UPP1: variants seen among roughly 807,000 people sequenced by gnomAD.
UPP1 encodes uridine phosphorylase 1, also known as UPase 1.
UPP1 carries 25 observed loss-of-function variants against 29.6 expected under a neutral mutation model. The ratio of observed to expected loss-of-function variants is 0.85; its 90% CI spans 0.62 to 1.18. The LOEUF (loss-of-function observed/expected upper bound fraction) is 1.18, where lower values mean the gene tolerates loss of function less well. Among genes scored for constraint, UPP1 ranks in the 50% most tolerant of loss-of-function variants. UPP1 has a pLI of 0.00. For missense variants in UPP1, 368 were observed against 410.4 expected, an observed-to-expected ratio of 0.90 and a Z score of 0.89; for synonymous variants, 165 against 159.8, an observed-to-expected ratio of 1.03 and a Z score of -0.25.
chr7:48,097,340 C>T (rs894174918), intron 3 of UPP1, among the ~76,000 whole-genome samples: 1 of 152,150 alleles, frequency 6.6e-6, no homozygotes, highest in Admixed American at 6.5e-5. Flanking sequence ...CTCAGGTGAT[C>T]CTCCCACATC....
chr7:48,097,268 C>T (rs982517910), intron 3 of UPP1, among the ~76,000 whole-genome samples: 5 of 152,038 alleles, frequency 3.3e-5, no homozygotes, highest in South Asian at 2.1e-4. Context: ...CAGTCTTACT[C>T]TGTTACCTAG....
upstream of UPP1, chr7:48,088,860 C>A (rs908557064): frequency 6.6e-6 from 1 of 152,420 alleles, no homozygotes; most frequent in African/African-American, 2.4e-5. Flanking sequence ...GGCGGCGTGA[C>A]CTTGGGTTAG....
At chr7:48,094,445 A>G (rs1439793957) in intron 2 of UPP1, among the ~76,000 whole-genome samples, 1 of 151,942 alleles carries the variant, frequency 6.6e-6, no homozygotes, top group Non-Finnish European at 1.5e-5. Context: ...TGAACTCATG[A>G]TCTCCACCCA....
At chr7:48,104,955 T>C (rs2128816446) in intron 6 of UPP1, 1 of 152,326 alleles carries the variant, frequency 6.6e-6, no homozygotes, top group South Asian at 2.1e-4. Context: ...AAAGAGCAAC[T>C]AGGGAGCAAA....
chr7:48,093,002 C>T (rs1237814503), intron 2 of UPP1, among the ~76,000 whole-genome samples: 1 of 151,952 alleles, frequency 6.6e-6, no homozygotes, highest in Non-Finnish European at 1.5e-5. Flanking sequence ...CTGTGCATGG[C>T]CCCCTGTTTC....
At chr7:48,106,179 G>A (rs1792722411) in intron 6 of UPP1, 1 of 152,618 alleles carries the variant, frequency 6.6e-6, no homozygotes, top group African/African-American at 2.4e-5. Context: ...ATATTAACAA[G>A]GTATGAAACA....
At chr7:48,106,766 A>C (rs1456583374) in intron 6 of UPP1, 107 bp from the exon 7 acceptor site, 2 of 969,372 alleles carry the variant, frequency 2.1e-6, no homozygotes, top group African/African-American at 3.2e-5. Context: ...GTGTGGGTGG[A>C]TCTGCTTCTT....
rs762983673 is a variant in UPP1 at position 48,101,828 on chromosome 7, T to C, written c.167T>C (p.Val56Ala). Residue 56 changes from valine (V) to alanine (A), a missense_variant, in exon 5 of 9, where the codon GTG (valine) becomes GCG (alanine). Physicochemically the swap from Val to Ala is moderately conservative, Grantham distance 64. Coordinates refer to ENST00000395564, the MANE Select transcript of UPP1 (RefSeq NM_003364.4). The part of the protein sequence containing the change: ...FPALFGDVKF[V>A]CVGGSPSRMK... ...GTCTCTCTTCTCTGGCTGCAGTTTGTGTGTGTTGGTGGAAGCCCCTCCCGG... is the reference window on the plus strand; with the variant it reads ...GTCTCTCTTCTCTGGCTGCAGTTTGCGTGTGTTGGTGGAAGCCCCTCCCGG... 5.0e-6 allele frequency: 8 copies of C among 1,613,628 alleles called. No individual in the cohort carries two copies. Among genetic ancestry groups the C allele is most frequent in the Non-Finnish European group, 6.8e-6 (8 of 1,179,874 alleles).
Position 48,103,378 on chromosome 7 carries a change from A to G in UPP1, c.403A>G (p.Thr135Ala). 1.9e-6 allele frequency: 3 copies of G among 1,613,994 alleles called. No individual in the cohort carries two copies. Among genetic ancestry groups the G allele is most frequent in the Middle Eastern group, 1.6e-4 (1 of 6,062 alleles). Residue 135 changes from threonine to alanine, a missense_variant, in exon 6 of 9, where the codon ACT becomes GCT. Physicochemically the swap from Thr to Ala is moderately conservative, Grantham distance 58. Coordinates refer to ENST00000395564, the MANE Select transcript of UPP1 (RefSeq NM_003364.4). ...GTACTATGCCCGGTGCTCCAACGTC[A>G]CTATCATCCGCATTGGCACTTCTGG... ...LLYYARCSNV[T>A]IIRIGTSGGI...
At chr7:48,107,198 C>T (rs1056029714) in intron 7 of UPP1, 116 bp downstream of exon 7, 3 of 1,434,624 alleles carry the variant, frequency 2.1e-6, no homozygotes, top group African/African-American at 1.4e-5. Context: ...GTCTCAGTTA[C>T]ACTTCGCCCA....
At chr7:48,099,917 C>T in intron 4 of UPP1, 130 bp downstream of exon 4, 1 of 664,488 alleles carries the variant, frequency 1.5e-6, no homozygotes, top group Non-Finnish European at 2.6e-6. Flanking sequence ...TAATGTTTAC[C>T]AAATTTTTGC....
At chr7:48,103,902 G>A (rs996709763) in intron 6 of UPP1, 1 of 1,276,408 alleles carries the variant, frequency 7.8e-7, no homozygotes, top group Non-Finnish European at 1.0e-6. Flanking sequence ...TCCTCAACAG[G>A]GACATTTTTT....
At chr7:48,104,901 G>C (rs890500922) in intron 6 of UPP1, 1 of 152,224 alleles carries the variant, frequency 6.6e-6, no homozygotes, top group African/African-American at 2.4e-5. Context: ...TCTGGAGGGA[G>C]TAGTATAGAT....
At chr7:48,098,645 T>G (rs1185943256) in intron 3 of UPP1, among the ~76,000 whole-genome samples, 1 of 152,218 alleles carries the variant, frequency 6.6e-6, no homozygotes, top group East Asian at 1.9e-4. Context: ...CTTGCCTCTC[T>G]TGTGTCTTTT....
intron 3 of UPP1, 82 bp from the exon 4 acceptor site, chr7:48,099,588 C>A: frequency 5.2e-6 from 5 of 961,508 alleles, no homozygotes; most frequent in Admixed American, 3.7e-5. Flanking sequence ...AGCCTCGTGT[C>A]TGACATAGGC....
In UPP1 at chr7:48,107,498, G is replaced by A. The variant is rs1792829279; in HGVS notation, c.784G>A (p.Gly262Ser). The change falls in exon 8 of 9, where the codon GGC becomes AGC. Residue 262 changes from glycine (G) to serine (S), a missense_variant. Physicochemically the swap from Gly to Ser is moderately conservative, Grantham distance 56. Coordinates refer to ENST00000395564, the MANE Select transcript of UPP1 (RefSeq NM_003364.4). ...GTTTGCCGCCATGTGCAGCGCCTGC[G>A]GCCTCCAAGGTAAGCGGCACTTGAT... ...SVFAAMCSAC[G>S]LQAAVVCVTL... 3.1e-6 allele frequency: 5 copies of A among 1,608,176 alleles called. No individual in the cohort carries two copies. In the East Asian group the frequency reaches 6.7e-5, roughly 22 times the overall value.
intron 3 of UPP1, among the ~76,000 whole-genome samples, chr7:48,095,470 G>A (rs1288232321): frequency 6.6e-6 from 1 of 151,858 alleles, no homozygotes; most frequent in Non-Finnish European, 1.5e-5. Flanking sequence ...CCCTTGCTCT[G>A]GACTCCTGGT....
chr7:48,099,242 G>A (rs1562653116), intron 3 of UPP1, among the ~76,000 whole-genome samples: 1 of 152,176 alleles, frequency 6.6e-6, no homozygotes, highest in Non-Finnish European at 1.5e-5. Context: ...TGGGAGGTAG[G>A]ATTAGAGGTT....
intron 8 of UPP1, 104 bp from the exon 9 acceptor site, chr7:48,108,114 G>C (rs1792867812): frequency 4.0e-6 from 6 of 1,499,696 alleles, no homozygotes; most frequent in Non-Finnish European, 2.7e-6. Flanking sequence ...GTTTCCTGAG[G>C]AGGCAGAGAG....
Sources: gnomAD v4.1 joint callset for allele counts (sites outside exome capture counted in the v4.1 genomes callset) on GRCh38, gnomAD v4.1.1 for gene constraint, MANE v1.5 for transcripts, NCBI Gene and HGNC (gene_info 2026-07-23, HGNC 2026-07-21) for gene names.